SIMC1: variants seen among roughly 807,000 people sequenced by gnomAD.
SIMC1 encodes the protein SUMO interacting motifs containing 1.
In SIMC1, 55 loss-of-function variants were observed where a neutral mutation model predicts 82.3. The observed-to-expected ratio is 0.67, with a 90% confidence interval of 0.54 to 0.84. The LOEUF is 0.84. Among genes scored for constraint, SIMC1 ranks in the 40% least tolerant of loss-of-function variants. SIMC1 has a pLI of 0.00. For synonymous variants in SIMC1, 353 were observed against 426.3 expected (o/e 0.83, Z 2.12); for missense variants, 915 against 1,107.2 (o/e 0.83, Z 2.46).
chr5:176,316,156 CAG>C (rs928240376), intron 5 of SIMC1, among the ~76,000 whole-genome samples: 4 of 152,032 alleles, frequency 2.6e-5, no homozygotes, highest in African/African-American at 9.7e-5. Context: ...GCCTGGGTGA[CAG>C]AGCGAGACTC....
chr5:176,255,880 C>T (rs1159714437), intron 1 of SIMC1, among the ~76,000 whole-genome samples: 2 of 151,982 alleles, frequency 1.3e-5, no homozygotes, highest in East Asian at 3.9e-4. Flanking sequence ...AAAAAAGTTA[C>T]AGAAGATGAA....
intron 1 of SIMC1, among the ~76,000 whole-genome samples, chr5:176,259,766 C>CT (rs1484288868): frequency 6.6e-6 from 1 of 151,158 alleles, no homozygotes; most frequent in Non-Finnish European, 1.5e-5. Flanking sequence ...GAGCAAGACT[C>CT]TATCTCAAAA....
In SIMC1 at chr5:176,289,892, G is replaced by A; in HGVS notation, c.368G>A (p.Arg123Lys). Reference sequence around the variant, plus strand: ...AGAAGCTCTCAGCCTACAGCACGGAGAATCATTAACAGTGATCCTGTAGAT... The same window carrying A: ...AGAAGCTCTCAGCCTACAGCACGGAAAATCATTAACAGTGATCCTGTAGAT... Reference protein sequence around the residue: ...VDRSSQPTARRIINSDPVDLD... With the variant: ...VDRSSQPTARKIINSDPVDLD... The change falls in exon 2 of 10, where the codon AGA (arginine) becomes AAA (lysine). Residue 123 changes from arginine (R) to lysine (K), a missense_variant. Arg to Lys is a conservative substitution (Grantham distance 26, BLOSUM62 2). Transcript: ENST00000429602. The A allele has an allele frequency of 6.2e-7, 1 of 1,613,866 alleles. No individual in the cohort carries two copies. Among genetic ancestry groups the A allele is most frequent in the South Asian group, 1.1e-5 (1 of 91,062 alleles).
intron 2 of SIMC1, among the ~76,000 whole-genome samples, chr5:176,291,431 G>A (rs1275937209): frequency 2.0e-5 from 3 of 150,546 alleles, no homozygotes; most frequent in East Asian, 3.9e-4. Context: ...CCGCCTCCCG[G>A]GTTCACGTCA....
Position 176,345,316 on chromosome 5 carries a change from C to A in SIMC1, c.2547C>A (p.Ile849=), listed in dbSNP as rs371503203. 2 of 1,613,866 alleles carry A rather than the reference C, an allele frequency of 1.2e-6. No individual in the cohort carries two copies. The highest frequency in any genetic ancestry group is 1.7e-6 in the Non-Finnish European group (2 of 1,179,910). ...TTGAGGCCTTCCGCAGCCGCCTGAT[C>A]CAGATGCTGGGGGAGCCTCTTGTCC... ...KQIEAFRSRL[I]QMLGEPLVPQ... is the part of the protein sequence containing the mutation. The change falls in exon 10 of 10, where the codon ATC becomes ATA. Residue 849 remains isoleucine, a synonymous_variant. Coordinates refer to ENST00000429602, the MANE Select transcript of SIMC1 (RefSeq NM_001308195.2).
At chr5:176,311,668 C>A (rs1764670720) in intron 4 of SIMC1, among the ~76,000 whole-genome samples, 1 of 151,524 alleles carries the variant, frequency 6.6e-6, no homozygotes. Flanking sequence ...GAGAAAAAAA[C>A]AAAACTCTAG....
Position 176,290,725 on chromosome 5 carries a change from T to C in SIMC1, c.1201T>C (p.Ser401Pro). ...SSPSCSPSPQSETPLEKVPWL... is the reference protein window; with the variant it reads ...SSPSCSPSPQPETPLEKVPWL... ...TCCAAGCTGCTCTCCCAGCCCACAG[T>C]CTGAAACTCCCTTAGAGAAAGTTCC... Residue 401 changes from serine (S) to proline (P), a missense_variant, in exon 2 of 10, where the codon TCT becomes CCT. Coordinates refer to ENST00000429602, the MANE Select transcript of SIMC1 (RefSeq NM_001308195.2). 6.2e-7 allele frequency: 1 copy of C among 1,613,838 alleles called. No individual in the cohort carries two copies.
intron 1 of SIMC1, among the ~76,000 whole-genome samples, chr5:176,248,416 A>G (rs1761524244): frequency 6.6e-6 from 1 of 151,974 alleles, no homozygotes; most frequent in Admixed American, 6.6e-5. Context: ...TTTGTCTATT[A>G]TTGGTGTATA....
intron 1 of SIMC1, among the ~76,000 whole-genome samples, chr5:176,276,262 A>T (rs957994961): frequency 6.6e-6 from 1 of 151,288 alleles, no homozygotes; most frequent in Non-Finnish European, 1.5e-5. Context: ...ATTTGCATAG[A>T]GGTGTTTGTA....
intron 9 of SIMC1, among the ~76,000 whole-genome samples, chr5:176,339,173 C>G (rs1053683717): frequency 1.3e-5 from 2 of 152,060 alleles, no homozygotes; most frequent in Admixed American, 6.5e-5. Flanking sequence ...GCCAGCCTGA[C>G]CAACATGGTG....
chr5:176,294,770 G>A (rs932241580), intron 2 of SIMC1, among the ~76,000 whole-genome samples: 1 of 151,394 alleles, frequency 6.6e-6, no homozygotes, highest in Non-Finnish European at 1.5e-5. Flanking sequence ...AGACCATCCT[G>A]GCTAACACCG....
At chr5:176,242,226 T>G (rs1357601209) in intron 1 of SIMC1, among the ~76,000 whole-genome samples, 1 of 151,914 alleles carries the variant, frequency 6.6e-6, no homozygotes, top group African/African-American at 2.4e-5. Flanking sequence ...GGTAGTACAG[T>G]GTAGTCTATG....
chr5:176,304,047 A>G (rs947013431), intron 4 of SIMC1, among the ~76,000 whole-genome samples: 2 of 152,208 alleles, frequency 1.3e-5, no homozygotes, highest in African/African-American at 4.8e-5. Flanking sequence ...ACAAAAATAG[A>G]CAAATAATAC....
At chr5:176,310,772 A>C (rs1362504382) in intron 4 of SIMC1, among the ~76,000 whole-genome samples, 1 of 152,236 alleles carries the variant, frequency 6.6e-6, no homozygotes, top group Non-Finnish European at 1.5e-5. Flanking sequence ...GAGGTTAAGC[A>C]CATGAGTCTT....
intron 7 of SIMC1, among the ~76,000 whole-genome samples, chr5:176,325,116 G>A (rs1765321914): frequency 6.6e-6 from 1 of 152,074 alleles, no homozygotes; most frequent in Non-Finnish European, 1.5e-5. Flanking sequence ...GCAGTGACTC[G>A]TACCTGTAAT....
In SIMC1 at chr5:176,313,808, A is replaced by G. The variant is rs764893300; in HGVS notation, c.1852A>G (p.Met618Val). The G allele has an allele frequency of 3.7e-6, 6 of 1,613,896 alleles. No individual in the cohort carries two copies. The Admixed American group carries it at 6.7e-5, about 18-fold the overall frequency. ...RQHLQQSIANMVLSCDKQPHN... is the reference protein window; with the variant it reads ...RQHLQQSIANVVLSCDKQPHN... ...GCACCTGCAGCAATCCATTGCAAAC[A>G]TGGTGCTTTCCTGTGACAAGCAGCC... The change falls in exon 5 of 10, where the codon ATG (methionine) becomes GTG (valine). Residue 618 changes from methionine to valine, a missense_variant. Physicochemically the swap from Met to Val is conservative, Grantham distance 21. Around this residue, in one of 2 missense-constraint regions of SIMC1, gnomAD observed 902 missense variants for 1,040.3 expected, o/e 0.87. Coordinates refer to ENST00000429602, the MANE Select transcript of SIMC1 (RefSeq NM_001308195.2).
intron 1 of SIMC1, among the ~76,000 whole-genome samples, chr5:176,256,064 CTCAAAATATGAAATTACCAT>C (rs1345515215): frequency 8.5e-5 from 13 of 152,144 alleles, no homozygotes; most frequent in Middle Eastern, 6.8e-3. Context: ...AAAACTCTAC[CTCAAAATATGAAATTACCAT>C]TCTAAATGAA....
At chr5:176,331,982 A>G (rs1765690854) in intron 7 of SIMC1, among the ~76,000 whole-genome samples, 1 of 152,106 alleles carries the variant, frequency 6.6e-6, no homozygotes, top group African/African-American at 2.4e-5. Flanking sequence ...AAAAACAAAC[A>G]AACACAAACT....
chr5:176,282,768 A>G (rs1264162620), intron 1 of SIMC1, among the ~76,000 whole-genome samples: 3 of 152,218 alleles, frequency 2.0e-5, no homozygotes, highest in Non-Finnish European at 4.4e-5. Flanking sequence ...AGAAGCTAAA[A>G]ACCTTGAGAA....
Sources: allele counts gnomAD v4.1 joint callset (sites outside exome capture counted in the v4.1 genomes callset), GRCh38; gene constraint gnomAD v4.1.1; regional missense constraint gnomAD v4.1.1; transcripts MANE v1.5; gene names NCBI Gene and HGNC (gene_info 2026-07-23, HGNC 2026-07-21).